Variants in OPRD1 observed in about 807,000 individuals in gnomAD.
The protein encoded by OPRD1 is opioid receptor delta 1.
A neutral mutation model predicts 17.5 loss-of-function variants in OPRD1; 19 were observed. The ratio of observed to expected loss-of-function variants is 1.09; its 90% CI spans 0.76 to 1.60. The LOEUF (loss-of-function observed/expected upper bound fraction) is 1.60, where lower values mean the gene tolerates loss of function less well. OPRD1 is among the 40% of genes most tolerant of loss of function. The pLI, the probability that OPRD1 is intolerant of heterozygous loss-of-function variation, is 0.00. For synonymous variants in OPRD1, 256 were observed against 240.9 expected, an observed-to-expected ratio of 1.06 and a Z score of -0.58; for missense variants, 483 against 547.2, an observed-to-expected ratio of 0.88 and a Z score of 1.17.
chr1:28,820,325 G>T (rs1404709219), intron 1 of OPRD1, among the ~76,000 whole-genome samples: 1 of 151,284 alleles, frequency 6.6e-6, no homozygotes, highest in Admixed American at 6.6e-5. Flanking sequence ...CTCCTGAGTA[G>T]CTGGGATTAC....
chr1:28,818,832 G>T (rs2088690429), intron 1 of OPRD1, among the ~76,000 whole-genome samples: 1 of 152,134 alleles, frequency 6.6e-6, no homozygotes, highest in Non-Finnish European at 1.5e-5. Context: ...GGCCCAGCAT[G>T]ACTGTGTGAG....
At chr1:28,858,857 T>G (rs1402600541) in intron 1 of OPRD1, 97 bp from the exon 2 acceptor site, 1 of 1,238,142 alleles carries the variant, frequency 8.1e-7, no homozygotes, top group Non-Finnish European at 1.2e-6. Context: ...CCCCTGACCT[T>G]TTGCATGTCC....
At chr1:28,813,381 A>G (rs570381132) in intron 1 of OPRD1, among the ~76,000 whole-genome samples, 1 of 152,218 alleles carries the variant, frequency 6.6e-6, no homozygotes, top group Non-Finnish European at 1.5e-5. Flanking sequence ...AATAGGATTC[A>G]GAGAAGACTC....
chr1:28,851,703 C>T (rs2089005102), intron 1 of OPRD1, among the ~76,000 whole-genome samples: 1 of 151,634 alleles, frequency 6.6e-6, no homozygotes, highest in African/African-American at 2.4e-5. Context: ...GCAACCCCGT[C>T]TCTACTAAAA....
At chr1:28,823,232 TATCACCCAGGCTGG>T (rs1263932571) in intron 1 of OPRD1, among the ~76,000 whole-genome samples, 5 of 147,968 alleles carry the variant, frequency 3.4e-5, no homozygotes, top group African/African-American at 5.0e-5. Context: ...AGCCTCACTT[TATCACCCAGGCTGG>T]AGTGCAATGG....
intron 1 of OPRD1, among the ~76,000 whole-genome samples, chr1:28,835,700 A>C (rs1346126650): frequency 6.6e-6 from 1 of 152,210 alleles, no homozygotes; most frequent in African/African-American, 2.4e-5. Flanking sequence ...CTTTGTGATC[A>C]CTGTGGTAGA....
At chr1:28,814,783 A>G (rs1438239505) in intron 1 of OPRD1, among the ~76,000 whole-genome samples, 1 of 152,212 alleles carries the variant, frequency 6.6e-6, no homozygotes, top group African/African-American at 2.4e-5. Context: ...CAAGCAGCTT[A>G]GTGGGCCCCT....
intron 1 of OPRD1, among the ~76,000 whole-genome samples, chr1:28,848,083 A>G (rs2088968937): frequency 6.6e-6 from 1 of 152,052 alleles, no homozygotes; most frequent in Admixed American, 6.6e-5. Context: ...CCTGTTCCCT[A>G]CTAAAAATAC....
chr1:28,860,067 A>G (rs1438452380), intron 2 of OPRD1, among the ~76,000 whole-genome samples: 1 of 152,214 alleles, frequency 6.6e-6, no homozygotes, highest in African/African-American at 2.4e-5. Context: ...GAGAAAGCAC[A>G]GCCACTTTAA....
chr1:28,839,593 G>A (rs916609362), intron 1 of OPRD1, among the ~76,000 whole-genome samples: 2 of 152,146 alleles, frequency 1.3e-5, no homozygotes, highest in East Asian at 1.9e-4. Flanking sequence ...GGGTCAGTGC[G>A]ACTGGGTGTA....
chr1:28,822,707 C>G (rs918409227), intron 1 of OPRD1, among the ~76,000 whole-genome samples: 2 of 150,606 alleles, frequency 1.3e-5, no homozygotes, highest in African/African-American at 4.9e-5. Flanking sequence ...CCAGGTTGGT[C>G]TCGCACTCCT....
At chr1:28,823,480 T>G (rs967419012) in intron 1 of OPRD1, among the ~76,000 whole-genome samples, 1 of 152,034 alleles carries the variant, frequency 6.6e-6, no homozygotes, top group Admixed American at 6.6e-5. Flanking sequence ...CACTGCAACC[T>G]CCGCCTCCTG....
chr1:28,823,764 A>T (rs2088737308), intron 1 of OPRD1, among the ~76,000 whole-genome samples: 1 of 151,376 alleles, frequency 6.6e-6, no homozygotes, highest in Non-Finnish European at 1.5e-5. Flanking sequence ...TCCTGACTTC[A>T]GGTGATCCAC....
At chr1:28,835,318 A>G (rs980602774) in intron 1 of OPRD1, among the ~76,000 whole-genome samples, 6 of 152,152 alleles carry the variant, frequency 3.9e-5, no homozygotes, top group African/African-American at 1.4e-4. Context: ...TGAACGAGGC[A>G]TCTGTCCTGC....
intron 1 of OPRD1, among the ~76,000 whole-genome samples, chr1:28,853,722 T>C (rs552359477): frequency 6.6e-6 from 1 of 152,144 alleles, no homozygotes; most frequent in East Asian, 1.9e-4. Flanking sequence ...TTGTGTTACA[T>C]TGGCAGAAAT....
chr1:28,844,479 T>G (rs2088922961), intron 1 of OPRD1, among the ~76,000 whole-genome samples: 1 of 151,986 alleles, frequency 6.6e-6, no homozygotes, highest in South Asian at 2.1e-4. Flanking sequence ...TTTGTAGAGA[T>G]GGGGTTTTGC....
Position 28,812,326 on chromosome 1 carries a change from G to T in OPRD1, c.-58G>T. 1 of 1,202,990 alleles carries T rather than the reference G, an allele frequency of 8.3e-7. No individual in the cohort carries two copies. Among genetic ancestry groups the T allele is most frequent in the South Asian group, 3.1e-5 (1 of 32,152 alleles). 74.5% of individuals were successfully genotyped at this position (1,202,990 alleles called of 1,614,324 possible). A position where few individuals can be genotyped will look rare whatever the true frequency, so the allele number is the denominator to read the frequency against. On this transcript the variant is annotated 5_prime_UTR_variant, in exon 1 of 3. Coordinates refer to ENST00000234961, the MANE Select transcript of OPRD1 (RefSeq NM_000911.4). ...TCTGCCTTGCCGCTCCCCTCGCGTC[G>T]GATCCCCGCGCCCAGGGCGCACGGT...
rs570640688 is a variant in OPRD1 at position 28,824,998 on chromosome 1, A to AT, written c.227+12397dup. Reference sequence around the variant, plus strand: ...AGGTGCCCACCACCGCGCCCGGCTAATTTTTTTTTGTATTTTTTGTGGAGA... The same window carrying AT: ...AGGTGCCCACCACCGCGCCCGGCTAATTTTTTTTTTGTATTTTTTGTGGAGA... On this transcript the variant is annotated intron_variant, in intron 1 of 2. Transcript: ENST00000234961. Among the ~76,000 whole-genome samples, 605 of 150,046 alleles carry AT rather than the reference A, an allele frequency of 4.0e-3. 5 individuals carry two copies. The highest frequency in any genetic ancestry group is 0.014 in the African/African-American group (566 of 40,864).
intron 1 of OPRD1, among the ~76,000 whole-genome samples, chr1:28,835,177 G>A (rs574012252): frequency 4.6e-5 from 7 of 152,154 alleles, no homozygotes; most frequent in African/African-American, 7.2e-5. Flanking sequence ...GGGAGTCTGC[G>A]TTCTTGGGCC....
Sources: gnomAD v4.1 joint callset for allele counts (sites outside exome capture counted in the v4.1 genomes callset) on GRCh38, gnomAD v4.1.1 for gene constraint, MANE v1.5 for transcripts, NCBI Gene and HGNC (gene_info 2026-07-23, HGNC 2026-07-21) for gene names.